The following ZFHX4 variants were observed in gnomAD, a reference collection of about 807,000 sequenced individuals.
The protein encoded by ZFHX4 is zinc finger homeobox protein 4.
A neutral mutation model predicts 267.6 loss-of-function variants in ZFHX4; 56 were observed. The observed-to-expected ratio is 0.21, with a 90% CI of 0.17 to 0.26. The LOEUF (loss-of-function observed/expected upper bound fraction) is 0.26, where lower values mean the gene tolerates loss of function less well. Ranked by LOEUF, ZFHX4 falls within the 10% of genes least tolerant of loss-of-function variation. The pLI is 1.00. For synonymous variants in ZFHX4, 1,778 were observed against 1,665.6 expected (o/e 1.07, Z -1.64); for missense variants, 4,332 against 4,420.0 (o/e 0.98, Z 0.56).
At chr8:76,688,810 T>C (rs919080686) in intron 1 of ZFHX4, among the ~76,000 whole-genome samples, 1 of 152,132 alleles carries the variant, frequency 6.6e-6, no homozygotes, top group Admixed American at 6.5e-5. Flanking sequence ...GATGGCTGTC[T>C]CAGAACAAGG....
chr8:76,713,578 T>C (rs1038206448), intron 3 of ZFHX4, among the ~76,000 whole-genome samples: 3 of 152,192 alleles, frequency 2.0e-5, no homozygotes, highest in African/African-American at 7.2e-5. Flanking sequence ...TTTCCTGAAA[T>C]CCTTACTGTT....
chr8:76,725,759 ATAT>A (rs1425024714), intron 3 of ZFHX4, among the ~76,000 whole-genome samples: 4 of 152,174 alleles, frequency 2.6e-5, no homozygotes, highest in Non-Finnish European at 5.9e-5. Context: ...ACAAAGTACA[ATAT>A]TATATGTTTC....
intron 1 of ZFHX4, among the ~76,000 whole-genome samples, chr8:76,700,038 A>C (rs997836642): frequency 6.6e-6 from 1 of 152,076 alleles, no homozygotes; most frequent in African/African-American, 2.4e-5. Flanking sequence ...TGACATATTG[A>C]TAGAGGATTT....
chr8:76,827,600 T>G, intron 4 of ZFHX4, among the ~76,000 whole-genome samples: 1 of 152,152 alleles, frequency 6.6e-6, no homozygotes, highest in South Asian at 2.1e-4. Context: ...AAAAAACATT[T>G]TAATAAAAGC....
At chr8:76,846,584 A>G (rs979643714) in intron 6 of ZFHX4, among the ~76,000 whole-genome samples, 5 of 152,074 alleles carry the variant, frequency 3.3e-5, no homozygotes, top group Non-Finnish European at 7.4e-5. Flanking sequence ...ATTCAAAAGC[A>G]ATTATATTTT....
chr8:76,760,729 AC>A (rs1809888410), intron 3 of ZFHX4, among the ~76,000 whole-genome samples: 1 of 152,000 alleles, frequency 6.6e-6, no homozygotes, highest in African/African-American at 2.4e-5. Flanking sequence ...GGAGTTCCAG[AC>A]CAGCCTGGGC....
intron 3 of ZFHX4, among the ~76,000 whole-genome samples, chr8:76,763,584 C>G (rs1193072167): frequency 2.0e-5 from 3 of 152,136 alleles, no homozygotes; most frequent in Non-Finnish European, 4.4e-5. Context: ...GATGGCCCCA[C>G]TGCACTCCAG....
rs762908181 is a variant in ZFHX4, at chr8:76,705,346, A to G, written c.1258A>G (p.Ile420Val). The change falls in exon 2 of 11, where the codon ATT (isoleucine) becomes GTT (valine). Residue 420 changes from isoleucine to valine, a missense_variant. Ile to Val is a conservative substitution (Grantham distance 29, BLOSUM62 3). This residue lies in a region of ZFHX4 where 1,195 missense variants were observed against 1,173.6 expected (regional missense o/e 1.02). Coordinates refer to ENST00000651372, the MANE Select transcript of ZFHX4 (RefSeq NM_024721.5). ...GLSSLVVNTP[I>V]TSVSLSHSSS... is the part of the protein sequence containing the mutation. ...GTCTAGTTTAGTAGTGAACACCCCA[A>G]TTACCTCTGTCTCCCTCAGCCACTC... The G allele has an allele frequency of 1.1e-5, 18 of 1,613,852 alleles. No individual in the cohort carries two copies. Among genetic ancestry groups the G allele is most frequent in the African/African-American group, 4.0e-5 (3 of 74,928 alleles).
intron 2 of ZFHX4, 88 bp downstream of exon 2, chr8:76,706,766 C>G (rs1161885609): frequency 8.1e-6 from 11 of 1,366,006 alleles, no homozygotes; most frequent in African/African-American, 1.5e-5. Context: ...TGGTGAGTGC[C>G]AACAAATTGA....
intron 4 of ZFHX4, among the ~76,000 whole-genome samples, chr8:76,811,169 A>G (rs991882147): frequency 6.6e-6 from 1 of 152,192 alleles, no homozygotes; most frequent in Non-Finnish European, 1.5e-5. Flanking sequence ...AGGATCAGCT[A>G]AAAGATCCAC....
At chr8:76,811,319 C>T (rs997757483) in intron 4 of ZFHX4, among the ~76,000 whole-genome samples, 1 of 152,178 alleles carries the variant, frequency 6.6e-6, no homozygotes, top group Non-Finnish European at 1.5e-5. Context: ...GAAGGATGCA[C>T]CTCATAGAAA....
At chr8:76,834,099 T>TAA (rs1812008520) in intron 5 of ZFHX4, 1 of 447,696 alleles carries the variant, frequency 2.2e-6, no homozygotes, top group South Asian at 1.6e-5. Context: ...TATATATATA[T>TAA]CATTGTCTTC....
intron 4 of ZFHX4, among the ~76,000 whole-genome samples, chr8:76,788,316 AT>A (rs1313227933): frequency 6.6e-6 from 1 of 152,160 alleles, no homozygotes; most frequent in African/African-American, 2.4e-5. Context: ...GCTAGCATTT[AT>A]TCTGAGGAAA....
intron 3 of ZFHX4, among the ~76,000 whole-genome samples, chr8:76,741,625 C>G (rs1031085945): frequency 6.6e-6 from 1 of 152,110 alleles, no homozygotes; most frequent in Non-Finnish European, 1.5e-5. Flanking sequence ...TTGTATTTGG[C>G]GGGAAGAACA....
intron 4 of ZFHX4, among the ~76,000 whole-genome samples, chr8:76,793,944 C>T (rs1810905403): frequency 6.6e-6 from 1 of 152,128 alleles, no homozygotes; most frequent in Non-Finnish European, 1.5e-5. Context: ...GTAATTAATG[C>T]ACTCCACTTA....
In ZFHX4 at chr8:76,705,929, A is replaced by G. The variant is rs547700879; in HGVS notation, c.1841A>G (p.Glu614Gly). Residue 614 changes from glutamate to glycine, a missense_variant, in exon 2 of 11, where the codon GAG becomes GGG. Transcript: ENST00000651372. ...GACGGCTCACCGGGCAGTGGCATCGAGTGTCCAAAGTGCGACACTGTGTTG... is the reference window on the plus strand; with the variant it reads ...GACGGCTCACCGGGCAGTGGCATCGGGTGTCCAAAGTGCGACACTGTGTTG... Reference protein sequence around the residue: ...GGDGSPGSGIECPKCDTVLGS... With the variant: ...GGDGSPGSGIGCPKCDTVLGS... The G allele has an allele frequency of 2.7e-5, 44 of 1,612,830 alleles. 1 individual carries two copies. The South Asian group carries it at 4.3e-4, about 16-fold the overall frequency.
At chr8:76,791,626 G>C (rs1289407672) in intron 4 of ZFHX4, among the ~76,000 whole-genome samples, 1 of 152,044 alleles carries the variant, frequency 6.6e-6, no homozygotes, top group East Asian at 1.9e-4. Context: ...GGCAGAGTAA[G>C]GAAGAAAAAT....
chr8:76,749,155 G>T (rs1350781682), intron 3 of ZFHX4, among the ~76,000 whole-genome samples: 2 of 152,188 alleles, frequency 1.3e-5, no homozygotes, highest in African/African-American at 4.8e-5. Flanking sequence ...CACTTCTGGT[G>T]CATGGTGTTC....
intron 4 of ZFHX4, among the ~76,000 whole-genome samples, chr8:76,805,274 C>T (rs920400599): frequency 6.6e-6 from 1 of 151,964 alleles, no homozygotes; most frequent in African/African-American, 2.4e-5. Flanking sequence ...CCACATTTTC[C>T]AGAAGATAGC....
Sources: allele counts gnomAD v4.1 joint callset (sites outside exome capture counted in the v4.1 genomes callset), GRCh38; gene constraint gnomAD v4.1.1; regional missense constraint gnomAD v4.1.1; transcripts MANE v1.5; gene names NCBI Gene and HGNC (gene_info 2026-07-23, HGNC 2026-07-21).